GIGYF2: variants seen among roughly 807,000 people sequenced by gnomAD.
GIGYF2 encodes the protein GRB10-interacting GYF protein 2.
Under a neutral mutation model 208.1 loss-of-function variants are expected in GIGYF2, and 25 were observed. That is an observed-to-expected ratio of 0.12 (90% confidence interval 0.09 to 0.17). The LOEUF (loss-of-function observed/expected upper bound fraction) is 0.17. Among genes scored for constraint, GIGYF2 ranks in the 10% least tolerant of loss-of-function variants. The probability of loss-of-function intolerance (pLI) is 1.00; values close to 1 mark genes in which losing one functional copy is unlikely to be tolerated. For synonymous variants in GIGYF2, 534 were observed against 543.8 expected (o/e 0.98, Z 0.25); for missense variants, 1,302 against 1,579.4 (o/e 0.82, Z 2.98).
intron 22 of GIGYF2, among the ~76,000 whole-genome samples, chr2:232,837,366 C>T (rs1701671549): frequency 6.6e-6 from 1 of 152,194 alleles, no homozygotes; most frequent in Non-Finnish European, 1.5e-5. Flanking sequence ...TTAAGTATCA[C>T]CAACTCTTGC....
chr2:232,698,036 G>T (rs1695683459), intron 1 of GIGYF2, among the ~76,000 whole-genome samples: 1 of 152,230 alleles, frequency 6.6e-6, no homozygotes. Context: ...GCCCATGGCA[G>T]CCTTGGGGAC....
intron 21 of GIGYF2, among the ~76,000 whole-genome samples, chr2:232,831,273 TAG>T (rs1324830105): frequency 1.3e-5 from 2 of 152,210 alleles, no homozygotes; most frequent in African/African-American, 4.8e-5. Flanking sequence ...CTTAAGAATG[TAG>T]AGTTTTGCTT....
intron 8 of GIGYF2, among the ~76,000 whole-genome samples, chr2:232,762,385 T>C (rs1458638993): frequency 6.6e-6 from 1 of 151,788 alleles, no homozygotes; most frequent in Non-Finnish European, 1.5e-5. Flanking sequence ...CCCGAGTAGT[T>C]GGGACTACAG....
chr2:232,758,424 A>T (rs1263636428), intron 6 of GIGYF2, among the ~76,000 whole-genome samples: 7 of 152,248 alleles, frequency 4.6e-5, no homozygotes. Flanking sequence ...CTTCATCATT[A>T]TTAAAAGGAA....
rs772653772 is a variant in GIGYF2, at chr2:232,844,090, GCAGCAA to G, written c.2946_2951del (p.Gln983_Gln984del). The stretch of plus-strand genomic sequence containing the variant: ...AGTTGATGAAAGCTCTTCAGCAGCA[GCAGCAA>G]CAGCAACAGCAGAAACTCTCAGGTT... On this transcript the variant is annotated inframe_deletion, in exon 24 of 29. Coordinates refer to ENST00000373563, the MANE Select transcript of GIGYF2 (RefSeq NM_001103146.3). 6.2e-7 allele frequency: 1 copy of G among 1,606,210 alleles called. No individual in the cohort carries two copies. The highest frequency in any genetic ancestry group is 8.5e-7 in the Non-Finnish European group (1 of 1,175,320).
chr2:232,755,971 T>C (rs1698521028), intron 5 of GIGYF2, among the ~76,000 whole-genome samples: 1 of 152,218 alleles, frequency 6.6e-6, no homozygotes, highest in Admixed American at 6.5e-5. Flanking sequence ...TCACCAAACC[T>C]AGCATAGTGT....
At chr2:232,783,953 G>T (rs1461228175) in intron 8 of GIGYF2, among the ~76,000 whole-genome samples, 2 of 152,180 alleles carry the variant, frequency 1.3e-5, no homozygotes, top group Non-Finnish European at 2.9e-5. Context: ...CTCCCAAAGT[G>T]CAGGGATTAC....
intron 20 of GIGYF2, 86 bp downstream of exon 20, chr2:232,817,118 T>A: frequency 9.8e-7 from 1 of 1,017,500 alleles, no homozygotes; most frequent in African/African-American, 1.6e-5. Flanking sequence ...CAGATACTCC[T>A]GAAGTCCACA....
At chr2:232,832,736 C>G (rs1701461353) in intron 21 of GIGYF2, 121 bp from the exon 22 acceptor site, 1 of 724,316 alleles carries the variant, frequency 1.4e-6, no homozygotes, top group African/African-American at 1.8e-5. Flanking sequence ...TCATCATGAA[C>G]AGAGTTTCTG....
chr2:232,767,897 C>T, intron 8 of GIGYF2: 2 of 362,042 alleles, frequency 5.5e-6, no homozygotes, highest in Non-Finnish European at 1.0e-5. Flanking sequence ...TCCATTTTGC[C>T]TTCATTACTA....
At chr2:232,776,444 C>A in intron 8 of GIGYF2, 1 of 1,603,172 alleles carries the variant, frequency 6.2e-7, no homozygotes, top group Non-Finnish European at 8.5e-7. Flanking sequence ...CATGTACTCA[C>A]CAGTTCTTTT....
chr2:232,789,172 C>G (rs1412271665), intron 9 of GIGYF2, among the ~76,000 whole-genome samples: 1 of 152,040 alleles, frequency 6.6e-6, no homozygotes, highest in African/African-American at 2.4e-5. Context: ...GTCTTACTTG[C>G]TATGTTTAGT....
chr2:232,710,583 CATTT>C (rs1696344601), intron 2 of GIGYF2, among the ~76,000 whole-genome samples: 1 of 151,970 alleles, frequency 6.6e-6, no homozygotes, highest in African/African-American at 2.4e-5. Context: ...GTCAAACAAT[CATTT>C]AAGTAAAATC....
chr2:232,735,370 ATG>A (rs1201349855), intron 3 of GIGYF2, 132 bp downstream of exon 3: 2 of 705,472 alleles, frequency 2.8e-6, no homozygotes, highest in Non-Finnish European at 5.1e-6. Context: ...GCTGAAAACA[ATG>A]TGTTAGTTCA....
Position 232,832,947 on chromosome 2 carries a change from A to G in GIGYF2, c.2620A>G (p.Arg874Gly), listed in dbSNP as rs1379297786. Residue 874 changes from arginine (R) to glycine (G), a missense_variant, in exon 22 of 29, where the codon AGA (arginine) becomes GGA (glycine). Coordinates refer to ENST00000373563, the MANE Select transcript of GIGYF2 (RefSeq NM_001103146.3). ...GCTGCGGATGGAAGAGGAGGCAGCC[A>G]GACTCCGGCATGAGGAAGAAGAACG... is the stretch of plus-strand genomic sequence containing the variant. ...NRLRMEEEAA[R>G]LRHEEEERKR... 11 of 1,570,190 alleles carry G rather than the reference A, an allele frequency of 7.0e-6. No homozygotes were observed. The highest frequency in any genetic ancestry group is 8.6e-6 in the Non-Finnish European group (10 of 1,157,602).
At chr2:232,731,502 G>A (rs1378019805) in intron 2 of GIGYF2, among the ~76,000 whole-genome samples, 1 of 152,174 alleles carries the variant, frequency 6.6e-6, no homozygotes, top group Non-Finnish European at 1.5e-5. Flanking sequence ...AGGATGTTTA[G>A]TATTAAAGAA....
chr2:232,783,844 C>G (rs1248188642), intron 8 of GIGYF2, among the ~76,000 whole-genome samples: 5 of 152,074 alleles, frequency 3.3e-5, no homozygotes. Context: ...CGCCACCATG[C>G]CCAGCTAATT....
chr2:232,796,020 T>A (rs1275572912), intron 13 of GIGYF2, 42 bp from the exon 14 acceptor site: 1 of 1,470,194 alleles, frequency 6.8e-7, no homozygotes, highest in Admixed American at 1.7e-5. Context: ...AGTACTAATT[T>A]AGGATCATTT....
intron 14 of GIGYF2, among the ~76,000 whole-genome samples, chr2:232,803,187 G>A (rs1303095946): frequency 5.9e-5 from 9 of 152,278 alleles, no homozygotes; most frequent in South Asian, 2.1e-4. Flanking sequence ...CACTGTGCCC[G>A]GCCTGTTCAG....
Sources: allele counts gnomAD v4.1 joint callset (sites outside exome capture counted in the v4.1 genomes callset), GRCh38; gene constraint gnomAD v4.1.1; transcripts MANE v1.5; gene names NCBI Gene and HGNC (gene_info 2026-07-23, HGNC 2026-07-21).